ADGRB3: variants seen among roughly 807,000 people sequenced by gnomAD.
ADGRB3 encodes adhesion G protein-coupled receptor B3.
ADGRB3 carries 37 observed loss-of-function variants against 193.4 expected under a neutral mutation model. The observed-to-expected ratio is 0.19, with a 90% CI of 0.15 to 0.25. The LOEUF is 0.25. ADGRB3 is among the 10% of genes least tolerant of loss of function. The pLI is 1.00. For missense variants in ADGRB3, 1,637 were observed against 1,852.9 expected (o/e 0.88, Z 2.14); for synonymous variants, 690 against 644.2 (o/e 1.07, Z -1.08).
intron 17 of ADGRB3, among the ~76,000 whole-genome samples, chr6:69,202,458 AGAGAGAGAGAGACG>A (rs1029071301): frequency 1.3e-5 from 2 of 151,712 alleles, no homozygotes; most frequent in African/African-American, 4.9e-5. Flanking sequence ...TCCACTTGAA[AGAGAGAGAGAGACG>A]GAGAGAGAGA....
At chr6:69,087,106 C>T (rs945238784) in intron 17 of ADGRB3, among the ~76,000 whole-genome samples, 2 of 152,218 alleles carry the variant, frequency 1.3e-5, no homozygotes, top group African/African-American at 4.8e-5. Context: ...TAACTTGAGC[C>T]TACACTAAAA....
At chr6:69,151,736 T>A (rs548485517) in intron 17 of ADGRB3, among the ~76,000 whole-genome samples, 140 of 152,282 alleles carry the variant, frequency 9.2e-4, no homozygotes, top group African/African-American at 3.3e-3. Flanking sequence ...TTTTGCTATT[T>A]GTTTATATTA....
At chr6:69,254,764 AG>A (rs1279887316) in intron 20 of ADGRB3, among the ~76,000 whole-genome samples, 12 of 150,908 alleles carry the variant, frequency 8.0e-5, no homozygotes, top group Admixed American at 6.6e-4. Context: ...TCTGCAGGTT[AG>A]TTACATATGT....
chr6:68,942,162 C>T (rs1329256198), intron 5 of ADGRB3, among the ~76,000 whole-genome samples: 1 of 151,826 alleles, frequency 6.6e-6, no homozygotes, highest in African/African-American at 2.4e-5. Context: ...ATAAATAACA[C>T]CAATAGAAAG....
chr6:69,354,189 A>T (rs147577289), intron 26 of ADGRB3, 44 bp from the exon 27 acceptor site: 1 of 1,407,536 alleles, frequency 7.1e-7, no homozygotes. Flanking sequence ...GTATCTTGTC[A>T]TTATTAAGAG....
chr6:69,320,678 T>C (rs564210281), intron 20 of ADGRB3, among the ~76,000 whole-genome samples: 133 of 151,824 alleles, frequency 8.8e-4, no homozygotes, highest in African/African-American at 3.0e-3. Flanking sequence ...TCTTGTACCC[T>C]GGGTTGCTTG....
chr6:69,107,572 T>TA (rs1435639724), intron 17 of ADGRB3, among the ~76,000 whole-genome samples: 39 of 152,144 alleles, frequency 2.6e-4, no homozygotes, highest in East Asian at 1.9e-4. Flanking sequence ...CATGTATTTT[T>TA]AAAAAATCAC....
Position 69,081,665 on chromosome 6 carries a change from TTTTAA to T in ADGRB3, c.2480+5631_2480+5635del, listed in dbSNP as rs1772389898. ...CAGCTTTCTTCAGGTAAATTTTTCT[TTTTAA>T]TTTCTTAAAATTTAAAAAATTATCT... On this transcript the variant is annotated intron_variant, in intron 17 of 31. Transcript: ENST00000370598. Among the ~76,000 whole-genome samples, 3 of 152,026 alleles carry T rather than the reference TTTTAA, an allele frequency of 2.0e-5. No individual in the cohort carries two copies. In the South Asian group the frequency reaches 6.2e-4, roughly 31 times the overall value.
At chr6:69,003,839 A>G (rs1234765458) in intron 11 of ADGRB3, among the ~76,000 whole-genome samples, 2 of 152,210 alleles carry the variant, frequency 1.3e-5, no homozygotes, top group Middle Eastern at 3.2e-3. Flanking sequence ...GGAACTAACA[A>G]GCTCCATAGA....
chr6:69,302,211 T>A (rs1767962357), intron 20 of ADGRB3, among the ~76,000 whole-genome samples: 1 of 151,914 alleles, frequency 6.6e-6, no homozygotes, highest in South Asian at 2.1e-4. Context: ...CAAGCACTTT[T>A]TAAGTGCTCT....
chr6:69,145,459 T>A (rs7760777), intron 17 of ADGRB3, among the ~76,000 whole-genome samples: 12 of 152,146 alleles, frequency 7.9e-5, no homozygotes, highest in African/African-American at 2.9e-4. Context: ...AGCTCCTAGG[T>A]CTGGAACACC....
intron 11 of ADGRB3, among the ~76,000 whole-genome samples, chr6:68,998,029 T>A (rs1769443508): frequency 6.6e-6 from 1 of 152,220 alleles, no homozygotes; most frequent in Admixed American, 6.5e-5. Context: ...TATAAGTTAT[T>A]ATTGTTGTCA....
At chr6:69,296,099 A>G (rs1297166634) in intron 20 of ADGRB3, among the ~76,000 whole-genome samples, 3 of 152,124 alleles carry the variant, frequency 2.0e-5, no homozygotes, top group Non-Finnish European at 2.9e-5. Context: ...ATTTAAACTA[A>G]ACAATAAATT....
chr6:69,200,378 ATAT>A (rs1765394204), intron 17 of ADGRB3, among the ~76,000 whole-genome samples: 1 of 152,122 alleles, frequency 6.6e-6, no homozygotes, highest in South Asian at 2.1e-4. Flanking sequence ...TAAATTTATA[ATAT>A]TAATCTGTTG....
intron 3 of ADGRB3, among the ~76,000 whole-genome samples, chr6:68,747,949 A>C (rs139197146): frequency 3.0e-3 from 454 of 152,296 alleles, no homozygotes; most frequent in African/African-American, 0.011. Context: ...CACTTCTTAC[A>C]TGGTGGCAGC....
chr6:68,862,104 C>A (rs1358002222), intron 3 of ADGRB3, among the ~76,000 whole-genome samples: 1 of 144,138 alleles, frequency 6.9e-6, no homozygotes, highest in African/African-American at 2.6e-5. Context: ...TGGAAACTTT[C>A]CTCACTATGT....
intron 4 of ADGRB3, 55 bp downstream of exon 4, chr6:68,930,724 G>A (rs1767314590): frequency 1.6e-6 from 2 of 1,264,400 alleles, no homozygotes; most frequent in Middle Eastern, 1.9e-4. Flanking sequence ...TGAAACCACT[G>A]CATGTTTTCA....
chr6:68,873,384 A>C (rs1765511328), intron 3 of ADGRB3, among the ~76,000 whole-genome samples: 1 of 152,052 alleles, frequency 6.6e-6, no homozygotes, highest in African/African-American at 2.4e-5. Context: ...TATTTCATGT[A>C]TTTTTCTCCC....
intron 20 of ADGRB3, among the ~76,000 whole-genome samples, chr6:69,259,385 T>C (rs1025772604): frequency 3.3e-5 from 5 of 152,220 alleles, no homozygotes; most frequent in African/African-American, 9.6e-5. Flanking sequence ...TAACACGTAG[T>C]TAGTTTTAAC....
Sources: gnomAD v4.1 joint callset for allele counts (sites outside exome capture counted in the v4.1 genomes callset) on GRCh38, gnomAD v4.1.1 for gene constraint, MANE v1.5 for transcripts, NCBI Gene and HGNC (gene_info 2026-07-23, HGNC 2026-07-21) for gene names.